NADK: variants seen among roughly 807,000 people sequenced by gnomAD.
NADK encodes NAD kinase.
Under a neutral mutation model 49.8 loss-of-function variants are expected in NADK, and 22 were observed. The observed-to-expected ratio is 0.44, with a 90% CI of 0.32 to 0.63. The LOEUF is 0.63. NADK is among the 30% of genes least tolerant of loss of function. NADK has a pLI of 0.06. For synonymous variants in NADK, 268 were observed against 253.7 expected (o/e 1.06, Z -0.54); for missense variants, 438 against 609.4 (o/e 0.72, Z 2.96).
intron 1 of NADK, among the ~76,000 whole-genome samples, chr1:1,771,050 A>G (rs1570575583): frequency 1.4e-5 from 2 of 144,812 alleles, no homozygotes; most frequent in Non-Finnish European, 3.0e-5. Flanking sequence ...TATAAAAAAA[A>G]AAAAAATATA....
chr1:1,759,385 T>A, intron 3 of NADK: 3 of 1,261,568 alleles, frequency 2.4e-6, no homozygotes, highest in Non-Finnish European at 3.2e-6. Context: ...GAAGCCAGCA[T>A]GGCCACAGCC....
rs1002592168 is a variant in NADK, at chr1:1,756,009, C to G, written c.585+249G>C. On this transcript the variant is annotated intron_variant, in intron 6 of 11. Transcript: ENST00000341426. Reference sequence around the variant, plus strand: ...GGCGAGGTCGTTTCCCAGGACCCACCACCCTGCGCCACTCCCTGCTGTCCC... The same window carrying G: ...GGCGAGGTCGTTTCCCAGGACCCACGACCCTGCGCCACTCCCTGCTGTCCC... 17 of 580,266 alleles carry G rather than the reference C, an allele frequency of 2.9e-5. 1 individual carries two copies. In the Middle Eastern group the frequency reaches 1.8e-3, roughly 63 times the overall value. The allele number at this position is 580,266 out of a possible 1,614,324, so 35.9% of individuals were successfully genotyped here.
chr1:1,759,532 T>TTCTCACCAGGCGCCCC (rs1176342469), intron 3 of NADK, among the ~76,000 whole-genome samples: 2 of 152,152 alleles, frequency 1.3e-5, no homozygotes, highest in South Asian at 4.1e-4. Flanking sequence ...GCGGGTGCCC[T>TTCTCACCAGGCGCCCC]CCTCACCAGG....
chr1:1,774,155 G>T (rs997987216), intron 1 of NADK, among the ~76,000 whole-genome samples: 1 of 150,684 alleles, frequency 6.6e-6, no homozygotes, highest in Non-Finnish European at 1.5e-5. Flanking sequence ...CTATGTATGT[G>T]TGTGTGTGTA....
chr1:1,766,459 CT>C (rs138768670), intron 1 of NADK, among the ~76,000 whole-genome samples: 8,711 of 107,828 alleles, frequency 0.081, 1,050 homozygotes, highest in African/African-American at 0.26. Flanking sequence ...AAGACAGGCT[CT>C]TTTCTCGTAA....
intron 1 of NADK, among the ~76,000 whole-genome samples, chr1:1,774,822 TG>T (rs1646164405): frequency 6.6e-6 from 1 of 151,974 alleles, no homozygotes; most frequent in Admixed American, 6.6e-5. Flanking sequence ...AAAAAACCTT[TG>T]TAGGGCGGGC....
At position 1,754,459 on chromosome 1, in the gene NADK, C is replaced by T. The variant is rs569106014; in HGVS notation, c.844-76G>A. 1.2e-6 allele frequency: 2 copies of T among 1,605,510 alleles called. No individual in the cohort carries two copies. Among genetic ancestry groups the T allele is most frequent in the Admixed American group, 3.3e-5 (2 of 59,778 alleles). Reference sequence around the variant, plus strand: ...CGCAGACACCCTCCGTCTCACCCAGCCGGGCTCTCCGGAAGGTCCTCATCC... The same window carrying T: ...CGCAGACACCCTCCGTCTCACCCAGTCGGGCTCTCCGGAAGGTCCTCATCC... On this transcript the variant is annotated intron_variant, in intron 8 of 11. Transcript: ENST00000341426. The surrounding 1 kb of genome is among the most constrained non-coding windows in gnomAD (Gnocchi z 4.3).
At position 1,765,224 on chromosome 1, in the gene NADK, G is replaced by C; in HGVS notation, c.179+4C>G. The C allele has an allele frequency of 1.3e-6, 2 of 1,583,138 alleles. No homozygotes were observed. The highest frequency in any genetic ancestry group is 1.7e-6 in the Non-Finnish European group (2 of 1,167,662). Reference sequence around the variant, plus strand: ...AAAAGAGGAACCATCCCTCCCAGTTGTACCTGAACTCCTTGGTGCTCCCCA... The same window carrying C: ...AAAAGAGGAACCATCCCTCCCAGTTCTACCTGAACTCCTTGGTGCTCCCCA... On this transcript the variant is annotated splice_donor_region_variant and intron_variant, in intron 2 of 11. Transcript: ENST00000341426.
intron 5 of NADK, 27 bp downstream of exon 5, chr1:1,756,476 C>A (rs755654661): frequency 6.2e-7 from 1 of 1,613,768 alleles, no homozygotes; most frequent in Non-Finnish European, 8.5e-7. Context: ...GCTGGAGAAA[C>A]CAAGGACAGA....
chr1:1,760,706 G>A (rs1645694392), intron 3 of NADK, among the ~76,000 whole-genome samples: 2 of 150,644 alleles, frequency 1.3e-5, no homozygotes, highest in Admixed American at 6.6e-5. Context: ...CTGCACAGAG[G>A]AAGAGAGCCC....
Position 1,757,291 on chromosome 1 carries a change from T to G in NADK, c.283A>C (p.Ser95Arg), listed in dbSNP as rs372709284. 2.2e-4 allele frequency: 351 copies of G among 1,613,636 alleles called. 1 individual carries two copies. The South Asian group carries it at 3.4e-3, about 16-fold the overall frequency. The change falls in exon 4 of 12, where the codon AGC becomes CGC. Residue 95 changes from serine to arginine, a missense_variant. By Grantham distance (110) the Ser-to-Arg change is moderately radical. Coordinates refer to ENST00000341426, the MANE Select transcript of NADK (RefSeq NM_023018.5). ...GACTTGTTCCACGTCAGCCGCTGGC[T>G]CGCGGGGTCCTGAATGTGCCTTTAG... ...QTIMHIQDPA[S>R]QRLTWNKSPK...
chr1:1,766,819 C>T (rs1008478220), intron 1 of NADK, among the ~76,000 whole-genome samples: 1 of 151,746 alleles, frequency 6.6e-6, no homozygotes, highest in Non-Finnish European at 1.5e-5. Flanking sequence ...GTTGCCCAGG[C>T]TGGTCTTCAA....
intron 3 of NADK, among the ~76,000 whole-genome samples, chr1:1,759,549 C>T (rs1239493492): frequency 6.6e-6 from 1 of 152,248 alleles, no homozygotes; most frequent in Non-Finnish European, 1.5e-5. Flanking sequence ...CAGGCGCCCC[C>T]ACAGGGTCTT....
chr1:1,759,205 G>C, intron 3 of NADK: 1 of 1,575,268 alleles, frequency 6.3e-7, no homozygotes. Context: ...ACCGCTGTGT[G>C]TGACCACAAA....
chr1:1,769,951 G>A (rs143024659), intron 1 of NADK, among the ~76,000 whole-genome samples: 6 of 151,654 alleles, frequency 4.0e-5, no homozygotes, highest in African/African-American at 1.5e-4. Flanking sequence ...AGTGGCTCTT[G>A]CCTGTAATCC....
rs374800546 is a variant in NADK at position 1,761,406 on chromosome 1, G to A, written c.263+546C>T. The stretch of plus-strand genomic sequence containing the variant: ...CTCCCACAGTGCTGGGACTGCAGGT[G>A]TGAGCCACTGCGCCCAGCCTGGATT... On this transcript the variant is annotated intron_variant, in intron 3 of 11. Coordinates refer to ENST00000341426, the MANE Select transcript of NADK (RefSeq NM_023018.5). Among the ~76,000 whole-genome samples, 3 of 152,208 alleles carry A rather than the reference G, an allele frequency of 2.0e-5. No individual in the cohort carries two copies. In the East Asian group the frequency reaches 5.8e-4, roughly 29 times the overall value.
In NADK at chr1:1,754,212, A is replaced by C. The variant is rs1167250979; in HGVS notation, c.944-4T>G. ...GTCGGGGTGGACACGATCACTCCTG[A>C]CAGGGACAGGCGCAGGCGTCACTCC... On this transcript the variant is annotated splice_polypyrimidine_tract_variant and splice_region_variant and intron_variant, in intron 9 of 11. Coordinates refer to ENST00000341426, the MANE Select transcript of NADK (RefSeq NM_023018.5). This position sits in a 1 kb window ranked among gnomAD's most constrained non-coding sequence, Gnocchi z 4.3. 3 of 1,612,812 alleles carry C rather than the reference A, an allele frequency of 1.9e-6. No individual in the cohort carries two copies. Among genetic ancestry groups the C allele is most frequent in the Non-Finnish European group, 2.5e-6 (3 of 1,179,858 alleles).
chr1:1,753,249 G>A (rs993811516), intron 11 of NADK, among the ~76,000 whole-genome samples, 189 bp from the exon 12 acceptor site: 6 of 152,194 alleles, frequency 3.9e-5, no homozygotes, highest in African/African-American at 1.4e-4. Context: ...GGTCCTGGAG[G>A]GGACGGTGCA....
Position 1,757,162 on chromosome 1 carries a change from TC to T in NADK, c.393+18del, listed in dbSNP as rs914422214. 4.7e-5 allele frequency: 29 copies of T among 620,870 alleles called. No individual in the cohort carries two copies. The highest frequency in any genetic ancestry group is 1.6e-4 in the Admixed American group (6 of 36,500). The allele number at this position is 620,870 out of a possible 1,614,324, so 38.5% of individuals were successfully genotyped here. A position where few individuals can be genotyped will look rare whatever the true frequency, so the allele number is the denominator to read the frequency against. On this transcript the variant is annotated intron_variant, in intron 4 of 11. Coordinates refer to ENST00000341426, the MANE Select transcript of NADK (RefSeq NM_023018.5). ...ACTCCATGTGCACCCCAGGCCCCCTTCCCCCCTGCCCCGCGTGCCTCCATGA... is the reference window on the plus strand; with the variant it reads ...ACTCCATGTGCACCCCAGGCCCCCTTCCCCCTGCCCCGCGTGCCTCCATGA...
Sources: gnomAD v4.1 joint callset for allele counts (sites outside exome capture counted in the v4.1 genomes callset) on GRCh38, gnomAD v4.1.1 for gene constraint, Gnocchi (gnomAD v3.1) non-coding constraint, MANE v1.5 for transcripts, NCBI Gene and HGNC (gene_info 2026-07-23, HGNC 2026-07-21) for gene names.